Variants in KIF9 observed in about 807,000 individuals in gnomAD.
KIF9 encodes kinesin-like protein KIF9.
In KIF9, 68 loss-of-function variants were observed where a neutral mutation model predicts 94.8. The observed-to-expected ratio is 0.72, with a 90% CI of 0.59 to 0.88. The LOEUF is 0.88. Among genes scored for constraint, KIF9 ranks in the 40% least tolerant of loss-of-function variants. KIF9 has a pLI of 0.00. For missense variants in KIF9, 882 were observed against 982.5 expected (o/e 0.90, Z 1.37); for synonymous variants, 343 against 362.1 (o/e 0.95, Z 0.60).
At chr3:47,240,763 AC>A in intron 17 of KIF9, 37 bp downstream of exon 17, 3 of 1,558,160 alleles carry the variant, frequency 1.9e-6, no homozygotes, top group Non-Finnish European at 2.7e-6. Flanking sequence ...TGACTCTGAG[AC>A]CCCAAAGCTC....
chr3:47,281,145 GA>G lies in KIF9; in HGVS notation c.-6+1349del. 9.2e-6 allele frequency: 6 copies of G among 652,292 alleles called. No individual in the cohort carries two copies. In the South Asian group the frequency reaches 1.0e-4, roughly 11 times the overall value. The allele number at this position is 652,292 out of a possible 1,614,324, so 40.4% of individuals were successfully genotyped here. On this transcript the variant is annotated intron_variant, in intron 1 of 20. Transcript: ENST00000684063. ...CGGTGGTTGGTGATGGTAATGGCTG[GA>G]AGTCAGAGGGCAGCTGAATCTTCAT...
intron 10 of KIF9, chr3:47,250,607 C>T: frequency 8.4e-6 from 4 of 478,598 alleles, no homozygotes; most frequent in South Asian, 6.1e-5. Flanking sequence ...AATCATCACA[C>T]TCATGAACTA....
intron 15 of KIF9, chr3:47,244,228 C>A (rs538776757): frequency 6.6e-6 from 1 of 152,572 alleles, no homozygotes; most frequent in Non-Finnish European, 1.5e-5. Flanking sequence ...GGGAAGGGAG[C>A]CCAGGCGTCA....
At chr3:47,257,803 T>C (rs921361668) in intron 9 of KIF9, among the ~76,000 whole-genome samples, 2 of 152,324 alleles carry the variant, frequency 1.3e-5, no homozygotes, top group Middle Eastern at 3.4e-3. Flanking sequence ...ATGTAGACTG[T>C]GAGGATGCGC....
At chr3:47,246,112 G>T in intron 13 of KIF9, 85 bp downstream of exon 13, 1 of 902,026 alleles carries the variant, frequency 1.1e-6, no homozygotes, top group Non-Finnish European at 1.6e-6. Flanking sequence ...GCAAGAAGAG[G>T]AGCTCTTGGA....
rs34978707 is a variant in KIF9, at chr3:47,272,119, A to AAAAT, written c.367-662_367-659dup. ...TGGGTGACAGTGAGACTCCATCTAA[A>AAAAT]AAATAAATAAATAAATAAATAAATA... On this transcript the variant is annotated intron_variant, in intron 4 of 20. Transcript: ENST00000684063. Among the ~76,000 whole-genome samples, 555 of 152,072 alleles carry AAAAT rather than the reference A, an allele frequency of 3.6e-3. 3 individuals are homozygous for AAAAT. Among genetic ancestry groups the AAAAT allele is most frequent in the Non-Finnish European group, 5.5e-3 (374 of 67,986 alleles).
chr3:47,271,724 A>C (rs1701660498), intron 4 of KIF9, among the ~76,000 whole-genome samples: 1 of 152,210 alleles, frequency 6.6e-6, no homozygotes, highest in Non-Finnish European at 1.5e-5. Flanking sequence ...GAGTCTCATC[A>C]TTTATATGCC....
chr3:47,247,924 T>A, intron 11 of KIF9, 94 bp downstream of exon 11: 1 of 932,648 alleles, frequency 1.1e-6, no homozygotes, highest in Non-Finnish European at 1.7e-6. Context: ...ACCATTGGCC[T>A]TGACCCATGA....
rs369652424 is a variant in KIF9 at position 47,282,439 on chromosome 3, G to A, written c.-6+56C>T. The A allele has an allele frequency of 1.8e-5, 18 of 986,246 alleles. No individual in the cohort carries two copies. In the African/African-American group the frequency reaches 2.8e-4, roughly 15 times the overall value. 61.1% of individuals were successfully genotyped at this position (986,246 alleles called of 1,614,324 possible). A position where few individuals can be genotyped will look rare whatever the true frequency, so the allele number is the denominator to read the frequency against. On this transcript the variant is annotated intron_variant, in intron 1 of 20. Transcript: ENST00000684063. ...GGACCCCAGCCACTTTCAGCAGTCCGGGCGCACACCCTTTTCCCGTCTCCC... is the reference window on the plus strand; with the variant it reads ...GGACCCCAGCCACTTTCAGCAGTCCAGGCGCACACCCTTTTCCCGTCTCCC...
Position 47,235,269 on chromosome 3 carries a change from C to T in KIF9, c.2322+244G>A, listed in dbSNP as rs893009537. ...CAGGGGATCCCTGGGCCTTGTTCTGCGAACCATACATAGGCTAGTCAGTAC... is the reference window on the plus strand; with the variant it reads ...CAGGGGATCCCTGGGCCTTGTTCTGTGAACCATACATAGGCTAGTCAGTAC... On this transcript the variant is annotated intron_variant, in intron 20 of 20. Transcript: ENST00000684063. Among the ~76,000 whole-genome samples the T allele has an allele frequency of 2.6e-5, 4 of 152,326 alleles. No homozygotes were observed. In the South Asian group the frequency reaches 8.3e-4, roughly 32 times the overall value.
intron 13 of KIF9, 199 bp from the exon 14 acceptor site, chr3:47,245,710 C>T: frequency 1.7e-6 from 1 of 584,842 alleles, no homozygotes; most frequent in Non-Finnish European, 3.1e-6. Flanking sequence ...TGTCCGACCC[C>T]CATACCCACA....
At chr3:47,280,917 A>G (rs1034514405) in intron 1 of KIF9, 5 of 702,988 alleles carry the variant, frequency 7.1e-6, no homozygotes, top group Admixed American at 4.0e-5. Context: ...TTTAACACCC[A>G]AACATTTAGG....
chr3:47,241,094 C>A, intron 16 of KIF9, 79 bp from the exon 17 acceptor site: 1 of 1,299,582 alleles, frequency 7.7e-7, no homozygotes, highest in Non-Finnish European at 1.1e-6. Flanking sequence ...TCTTTCTTCC[C>A]TGGGACTTCT....
chr3:47,236,680 A>T (rs1457139873), intron 17 of KIF9, 61 bp from the exon 18 acceptor site: 1 of 1,486,984 alleles, frequency 6.7e-7, no homozygotes, highest in Non-Finnish European at 9.3e-7. Flanking sequence ...TGGGGGAGGA[A>T]GGGATTCCAG....
At position 47,282,306 on chromosome 3, in the gene KIF9, C is replaced by T. The variant is rs943637454; in HGVS notation, c.-6+189G>A. 14 of 985,698 alleles carry T rather than the reference C, an allele frequency of 1.4e-5. No individual in the cohort carries two copies. The African/African-American group carries it at 1.7e-4, about 12-fold the overall frequency. 61.1% of individuals were successfully genotyped at this position (985,698 alleles called of 1,614,324 possible). A position where few individuals can be genotyped will look rare whatever the true frequency, so the allele number is the denominator to read the frequency against. ...GACCAATGAACATTAGCTCCGAAGA[C>T]CGTAAGCCGCGGTCAGGTTGAAAGG... On this transcript the variant is annotated intron_variant, in intron 1 of 20. Transcript: ENST00000684063.
intron 9 of KIF9, 39 bp downstream of exon 9, chr3:47,264,247 G>T: frequency 6.6e-7 from 1 of 1,517,254 alleles, no homozygotes; most frequent in South Asian, 1.1e-5. Context: ...ACCCATGAAG[G>T]GGGATTCCAG....
At position 47,240,873 on chromosome 3, in the gene KIF9, T is replaced by C. The variant is rs1252972639; in HGVS notation, c.1852A>G (p.Asn618Asp). The change falls in exon 17 of 21, where the codon AAT (asparagine) becomes GAT (aspartate). Residue 618 changes from asparagine (N) to aspartate (D), a missense_variant. Transcript: ENST00000684063. ...ACATCAATCTCCCGCTTGATGGCAT[T>C]GATGTGCTGTGTGGTCTCGCTGGCC... ...KRASETTQHI[N>D]AIKREIDVTK... 3 of 1,614,214 alleles carry C rather than the reference T, an allele frequency of 1.9e-6. No homozygotes were observed. Among genetic ancestry groups the C allele is most frequent in the Non-Finnish European group, 2.5e-6 (3 of 1,180,044 alleles).
intron 17 of KIF9, 112 bp downstream of exon 17, chr3:47,240,689 A>G: frequency 2.3e-6 from 2 of 863,606 alleles, no homozygotes; most frequent in Non-Finnish European, 3.8e-6. Context: ...ACATCCCAGC[A>G]CCCCCACTGG....
rs377304880 is a variant in KIF9 at position 47,232,513 on chromosome 3, G to C, written c.2322+3000C>G. On this transcript the variant is annotated intron_variant, in intron 20 of 20. Coordinates refer to ENST00000684063, the MANE Select transcript of KIF9 (RefSeq NM_182902.4). ...TTGGCCAGGCTGGTCTCGAACTCCC[G>C]ACCTTAGGTGATCCACTCATCTCAG... 3.3e-5 allele frequency among the ~76,000 whole-genome samples: 5 copies of C among 151,694 alleles called. No individual in the cohort carries two copies. In the East Asian group the frequency reaches 9.8e-4, roughly 30 times the overall value.
Sources: gnomAD v4.1 joint callset for allele counts (sites outside exome capture counted in the v4.1 genomes callset) on GRCh38, gnomAD v4.1.1 for gene constraint, MANE v1.5 for transcripts, NCBI Gene and HGNC (gene_info 2026-07-23, HGNC 2026-07-21) for gene names.